KCTD20: variants seen among roughly 807,000 people sequenced by gnomAD.
KCTD20 encodes the protein potassium channel tetramerization domain containing 20.
KCTD20 carries 30 observed loss-of-function variants against 39.6 expected under a neutral mutation model. The ratio of observed to expected loss-of-function variants is 0.76; its 90% CI spans 0.57 to 1.03. KCTD20 has a LOEUF of 1.03. KCTD20 is among the 50% of genes least tolerant of loss of function. The pLI is 0.00. For missense variants in KCTD20, 422 were observed against 522.0 expected, an observed-to-expected ratio of 0.81 and a Z score of 1.87; for synonymous variants, 162 against 180.6, an observed-to-expected ratio of 0.90 and a Z score of 0.83.
chr6:36,458,574 G>C (rs1775509194), intron 1 of KCTD20, among the ~76,000 whole-genome samples: 1 of 149,542 alleles, frequency 6.7e-6, no homozygotes, highest in African/African-American at 2.5e-5. Context: ...AAGAAAGAAA[G>C]GTCTGGCTAT....
At chr6:36,448,698 G>GTGTC (rs937547111) in intron 1 of KCTD20, among the ~76,000 whole-genome samples, 1 of 152,178 alleles carries the variant, frequency 6.6e-6, no homozygotes, top group African/African-American at 2.4e-5. Flanking sequence ...TCTTCTCCCT[G>GTGTC]TGTCTTTGTG....
chr6:36,462,521 A>C (rs1400118402), intron 1 of KCTD20, among the ~76,000 whole-genome samples: 1 of 152,224 alleles, frequency 6.6e-6, no homozygotes, highest in Non-Finnish European at 1.5e-5. Flanking sequence ...AGACCCAACT[A>C]AAGACTTATT....
intron 6 of KCTD20, among the ~76,000 whole-genome samples, chr6:36,484,453 A>G (rs1776356720): frequency 6.6e-6 from 1 of 152,174 alleles, no homozygotes; most frequent in Non-Finnish European, 1.5e-5. Context: ...GGTTTAGGCT[A>G]TGCAGAGATG....
At chr6:36,453,746 G>C (rs571917456) in intron 1 of KCTD20, among the ~76,000 whole-genome samples, 1 of 152,160 alleles carries the variant, frequency 6.6e-6, no homozygotes, top group Non-Finnish European at 1.5e-5. Flanking sequence ...CTGACCTCAG[G>C]TGATCCGCCC....
intron 1 of KCTD20, among the ~76,000 whole-genome samples, chr6:36,454,582 T>C (rs542054395): frequency 6.6e-6 from 1 of 152,202 alleles, no homozygotes; most frequent in African/African-American, 2.4e-5. Flanking sequence ...TTTCAGGTGA[T>C]GCACCCAGCT....
At chr6:36,472,877 A>G (rs1248808975) in intron 2 of KCTD20, among the ~76,000 whole-genome samples, 1 of 151,034 alleles carries the variant, frequency 6.6e-6, no homozygotes, top group East Asian at 2.0e-4. Flanking sequence ...GTTTTGTATC[A>G]TGCAGTATTT....
At position 36,458,567 on chromosome 6, in the gene KCTD20, A is replaced by G. The variant is rs534526347; in HGVS notation, c.-46-11485A>G. Among the ~76,000 whole-genome samples the G allele has an allele frequency of 1.5e-4, 23 of 150,552 alleles. No homozygotes were observed. The South Asian group carries it at 4.6e-3, about 30-fold the overall frequency. ...AAAAAAAAAAAAAAAAAAAGAAAAG[A>G]AAGAAAGGTCTGGCTATGTTGCCCA... On this transcript the variant is annotated intron_variant, in intron 1 of 7. Coordinates refer to ENST00000373731, the MANE Select transcript of KCTD20 (RefSeq NM_173562.5).
At chr6:36,472,624 GTATTA>G (rs1162746379) in intron 2 of KCTD20, among the ~76,000 whole-genome samples, 4 of 151,836 alleles carry the variant, frequency 2.6e-5, no homozygotes, top group East Asian at 1.9e-4. Flanking sequence ...TGGGGCGTAT[GTATTA>G]TATTAAGTTT....
intron 1 of KCTD20, among the ~76,000 whole-genome samples, chr6:36,466,188 G>A (rs1484846114): frequency 1.3e-5 from 2 of 149,872 alleles, no homozygotes; most frequent in Non-Finnish European, 3.0e-5. Context: ...TCAGCCTCCC[G>A]AGTAGCTGGG....
chr6:36,480,082 C>A (rs1257865763), intron 5 of KCTD20, among the ~76,000 whole-genome samples: 1 of 152,160 alleles, frequency 6.6e-6, no homozygotes, highest in Non-Finnish European at 1.5e-5. Flanking sequence ...GCGTGAGCCA[C>A]CAAGCCCAGC....
At chr6:36,482,946 A>C (rs1441921387) in intron 6 of KCTD20, among the ~76,000 whole-genome samples, 1 of 57,834 alleles carries the variant, frequency 1.7e-5, no homozygotes, top group African/African-American at 1.4e-4. Flanking sequence ...ACTACGTCTC[A>C]AAAAAAAAAA....
intron 1 of KCTD20, among the ~76,000 whole-genome samples, chr6:36,468,152 A>C (rs1326509804): frequency 6.6e-6 from 1 of 152,222 alleles, no homozygotes; most frequent in Admixed American, 6.5e-5. Context: ...AATTAAATGC[A>C]AATACCTGTT....
chr6:36,443,168 G>A (rs1436403053), intron 1 of KCTD20, 57 bp downstream of exon 1: 1 of 152,752 alleles, frequency 6.5e-6, no homozygotes. Flanking sequence ...AGAGTGTGGC[G>A]GCGGGCGTGG....
chr6:36,473,774 AAAAAAAT>A (rs1201648158), intron 2 of KCTD20, among the ~76,000 whole-genome samples: 1 of 152,088 alleles, frequency 6.6e-6, no homozygotes, highest in South Asian at 2.1e-4. Flanking sequence ...CTCTATCTCA[AAAAAAAT>A]AAAAAATAAA....
chr6:36,455,785 TTCC>T (rs1775416401), intron 1 of KCTD20, among the ~76,000 whole-genome samples: 1 of 152,236 alleles, frequency 6.6e-6, no homozygotes, highest in Non-Finnish European at 1.5e-5. Flanking sequence ...GAATTTCTTC[TTCC>T]TCAGAGAAGT....
At chr6:36,467,921 T>C (rs971257733) in intron 1 of KCTD20, among the ~76,000 whole-genome samples, 2 of 152,168 alleles carry the variant, frequency 1.3e-5, no homozygotes, top group Non-Finnish European at 2.9e-5. Context: ...ATATAGTATA[T>C]AATTTGTGTG....
In KCTD20 at chr6:36,481,717, G is replaced by A. The variant is rs1776256810; in HGVS notation, c.814G>A (p.Asp272Asn). 1.2e-6 allele frequency: 2 copies of A among 1,614,074 alleles called. No homozygotes were observed. The change falls in exon 6 of 8, where the codon GAT (aspartate) becomes AAT (asparagine). Residue 272 changes from aspartate (D) to asparagine (N), a missense_variant. Transcript: ENST00000373731. ...GACGGATGAGGATTCTGTGGACTGG[G>A]ATGAAGACCACCCTCCACCAATGGG... The part of the protein sequence containing the change: ...VLTDEDSVDW[D>N]EDHPPPMGEE...
intron 1 of KCTD20, among the ~76,000 whole-genome samples, chr6:36,460,309 ATC>A (rs773039153): frequency 2.2e-5 from 3 of 136,614 alleles, no homozygotes; most frequent in African/African-American, 5.8e-5. Flanking sequence ...GCAGAATTAG[ATC>A]TCTCTTTTTT....
chr6:36,482,328 C>T (rs1013047657), intron 6 of KCTD20, among the ~76,000 whole-genome samples: 4 of 151,694 alleles, frequency 2.6e-5, no homozygotes, highest in African/African-American at 7.3e-5. Context: ...CCGAGGCAGG[C>T]GAATCATGAG....
Sources: allele counts gnomAD v4.1 joint callset (sites outside exome capture counted in the v4.1 genomes callset), GRCh38; gene constraint gnomAD v4.1.1; transcripts MANE v1.5; gene names NCBI Gene and HGNC (gene_info 2026-07-23, HGNC 2026-07-21).